The following ESR1 variants were observed in gnomAD, a reference collection of about 807,000 sequenced individuals.
ESR1 encodes the protein estrogen receptor 1.
Under a neutral mutation model 52.7 loss-of-function variants are expected in ESR1, and 12 were observed. The observed-to-expected ratio is 0.23, with a 90% CI of 0.15 to 0.37. The LOEUF (loss-of-function observed/expected upper bound fraction) is 0.37, where lower values mean the gene tolerates loss of function less well. ESR1 is among the 10% of genes least tolerant of loss of function. The pLI, the probability that ESR1 is intolerant of heterozygous loss-of-function variation, is 1.00. For synonymous variants in ESR1, 305 were observed against 316.8 expected (o/e 0.96, Z 0.39); for missense variants, 584 against 779.7 (o/e 0.75, Z 2.99).
At chr6:151,924,553 T>C (rs757490632) in intron 3 of ESR1, among the ~76,000 whole-genome samples, 21 of 152,086 alleles carry the variant, frequency 1.4e-4, no homozygotes, top group Non-Finnish European at 2.8e-4. Context: ...GCATAGTTCT[T>C]GATAGTTCTT....
intron 3 of ESR1, among the ~76,000 whole-genome samples, chr6:151,943,334 C>G (rs1314939747): frequency 6.6e-6 from 1 of 151,452 alleles, no homozygotes; most frequent in East Asian, 1.9e-4. Flanking sequence ...GGGCCGAGAT[C>G]CCGCCACTGC....
At chr6:151,661,535 A>G (rs1195903643) in intron 1 of ESR1, among the ~76,000 whole-genome samples, 9 of 152,210 alleles carry the variant, frequency 5.9e-5, no homozygotes, top group African/African-American at 2.2e-4. Flanking sequence ...GCTGAATGTC[A>G]CAAAATAATT....
chr6:151,871,733 A>C (rs1562497989), intron 2 of ESR1, among the ~76,000 whole-genome samples: 1 of 152,032 alleles, frequency 6.6e-6, no homozygotes, highest in Non-Finnish European at 1.5e-5. Flanking sequence ...CAATGACTCC[A>C]AGTTCCCCTT....
At chr6:151,996,818 A>G (rs1225105635) in intron 4 of ESR1, among the ~76,000 whole-genome samples, 1 of 152,144 alleles carries the variant, frequency 6.6e-6, no homozygotes, top group Non-Finnish European at 1.5e-5. Flanking sequence ...TGTTATTGAT[A>G]TATTGATTTA....
At chr6:152,011,877 G>C (rs2042790565) in intron 5 of ESR1, 83 bp downstream of exon 5, 1 of 1,481,230 alleles carries the variant, frequency 6.8e-7, no homozygotes, top group Non-Finnish European at 9.3e-7. Flanking sequence ...TCATCTCTCG[G>C]TGAAGCTTCA....
chr6:151,814,112 C>T (rs1236893783), intron 1 of ESR1: 1 of 152,258 alleles, frequency 6.6e-6, no homozygotes, highest in Non-Finnish European at 1.5e-5. Flanking sequence ...CCCCAGCAGC[C>T]AACTTGTGCT....
At chr6:152,120,745 G>A (rs1453734481) in intron 6 of ESR1, among the ~76,000 whole-genome samples, 3 of 152,082 alleles carry the variant, frequency 2.0e-5, no homozygotes, top group Admixed American at 1.3e-4. Context: ...GAACTAGGAG[G>A]TCTGAAGCAA....
intron 1 of ESR1, among the ~76,000 whole-genome samples, chr6:151,838,822 G>A (rs1014383724): frequency 2.0e-5 from 3 of 152,064 alleles, no homozygotes; most frequent in Non-Finnish European, 4.4e-5. Flanking sequence ...CTATTTCTAT[G>A]CCCAAAGTCT....
chr6:151,865,527 A>C (rs1789725411), intron 2 of ESR1, among the ~76,000 whole-genome samples: 1 of 152,226 alleles, frequency 6.6e-6, no homozygotes, highest in African/African-American at 2.4e-5. Context: ...AAACAGGCCC[A>C]TATTCCTGCA....
intron 5 of ESR1, among the ~76,000 whole-genome samples, chr6:152,049,615 A>G (rs868663323): frequency 6.6e-6 from 1 of 152,198 alleles, no homozygotes; most frequent in African/African-American, 2.4e-5. Flanking sequence ...TGTGTCAGTT[A>G]TCTGTCCTCT....
chr6:151,826,012 C>G (rs1420779099), intron 1 of ESR1, among the ~76,000 whole-genome samples: 1 of 150,374 alleles, frequency 6.7e-6, no homozygotes. Flanking sequence ...GACTAGGTAA[C>G]AGCTGAGTGA....
chr6:151,693,689 C>G (rs1779111762), intron 1 of ESR1, among the ~76,000 whole-genome samples: 1 of 152,190 alleles, frequency 6.6e-6, no homozygotes, highest in East Asian at 1.9e-4. Context: ...GCTTTCTCAG[C>G]TCACTGCAAC....
chr6:151,686,642 G>A (rs62441983), upstream of ESR1, among the ~76,000 whole-genome samples: 1 of 151,962 alleles, frequency 6.6e-6, no homozygotes, highest in Non-Finnish European at 1.5e-5. Flanking sequence ...GAGCCGAGAT[G>A]GCGCCACTGC....
intron 2 of ESR1, among the ~76,000 whole-genome samples, chr6:151,756,247 C>T (rs1434316923): frequency 1.3e-5 from 2 of 151,892 alleles, no homozygotes; most frequent in African/African-American, 2.4e-5. Flanking sequence ...TTTTTCCTAT[C>T]TCACTTTCTT....
intron 4 of ESR1, among the ~76,000 whole-genome samples, chr6:151,992,952 A>G (rs545127495): frequency 2.0e-4 from 30 of 152,282 alleles, no homozygotes; most frequent in African/African-American, 7.2e-4. Flanking sequence ...AGTTAAGCCT[A>G]CTTAGCTCGC....
intron 1 of ESR1, among the ~76,000 whole-genome samples, chr6:151,674,952 C>T (rs1334504190): frequency 6.6e-6 from 1 of 152,220 alleles, no homozygotes; most frequent in South Asian, 2.1e-4. Flanking sequence ...AAAATGTAGA[C>T]ATGTATTTTC....
At chr6:151,853,739 T>G (rs978325260) in intron 2 of ESR1, among the ~76,000 whole-genome samples, 1 of 152,044 alleles carries the variant, frequency 6.6e-6, no homozygotes, top group South Asian at 2.1e-4. Flanking sequence ...TTCAAGCATT[T>G]TTCTTCATTT....
chr6:151,783,176 G>T (rs565773991), intron 2 of ESR1, among the ~76,000 whole-genome samples: 1 of 152,320 alleles, frequency 6.6e-6, no homozygotes, highest in Non-Finnish European at 1.5e-5. Flanking sequence ...CTGAAATCCA[G>T]CCCCAGTCAG....
chr6:151,727,646 A>G (rs964977764), intron 2 of ESR1, among the ~76,000 whole-genome samples: 3 of 152,200 alleles, frequency 2.0e-5, no homozygotes, highest in African/African-American at 7.2e-5. Flanking sequence ...CGGTTTGTCT[A>G]TATTCCCACC....
Sources: gnomAD v4.1 joint callset for allele counts (sites outside exome capture counted in the v4.1 genomes callset) on GRCh38, gnomAD v4.1.1 for gene constraint, MANE v1.5 for transcripts, NCBI Gene and HGNC (gene_info 2026-07-23, HGNC 2026-07-21) for gene names.